Variants in SDK2 observed in about 807,000 individuals in gnomAD.
The protein encoded by SDK2 is protein sidekick-2.
In SDK2, 105 loss-of-function variants were observed where a neutral mutation model predicts 253.9. The observed-to-expected ratio is 0.41, with a 90% CI of 0.35 to 0.49. The LOEUF is 0.49. Ranked by LOEUF, SDK2 falls within the 20% of genes least tolerant of loss-of-function variation. The pLI is 0.06. For synonymous variants in SDK2, 1,249 were observed against 1,234.9 expected, an observed-to-expected ratio of 1.01 and a Z score of -0.24; for missense variants, 2,608 against 3,003.0, an observed-to-expected ratio of 0.87 and a Z score of 3.07.
At chr17:73,446,395 C>T (rs1034243224) in intron 5 of SDK2, among the ~76,000 whole-genome samples, 36 of 152,128 alleles carry the variant, frequency 2.4e-4, no homozygotes, top group African/African-American at 8.0e-4. Flanking sequence ...CTTGTGACGC[C>T]GATGGGTCAG....
Position 73,600,191 on chromosome 17 carries a change from G to T in SDK2, c.64+43834C>A, listed in dbSNP as rs114992434. ...CCCTTCCCTGGCCATTGCAGCTCCC[G>T]CCACTTCCTCGGTCCCATCCAGCAG... On this transcript the variant is annotated intron_variant, in intron 1 of 44. Transcript: ENST00000392650. 8.1e-3 allele frequency among the ~76,000 whole-genome samples: 1,231 copies of T among 152,198 alleles called. 20 individuals carry two copies. Among genetic ancestry groups the T allele is most frequent in the African/African-American group, 0.027 (1,142 of 41,534 alleles).
chr17:73,352,984 G>A lies in SDK2; in HGVS notation c.5594-347C>T, dbSNP rs2062552250. Among the ~76,000 whole-genome samples, 2 of 152,108 alleles carry A rather than the reference G, an allele frequency of 1.3e-5. No individual in the cohort carries two copies. Among genetic ancestry groups the A allele is most frequent in the African/African-American group, 4.8e-5 (2 of 41,416 alleles). ...GCACATGCCTGTAATCCCAGCTACT[G>A]GGGAAGCTGAGGCAGGGAATTGCTT... On this transcript the variant is annotated intron_variant, in intron 40 of 44. Transcript: ENST00000392650. The surrounding 1 kb of genome is among the most constrained non-coding windows in gnomAD (Gnocchi z 4.1).
Position 73,395,445 on chromosome 17 carries a change from C to T in SDK2, c.3355-53G>A. On this transcript the variant is annotated intron_variant, in intron 24 of 44. Coordinates refer to ENST00000392650, the MANE Select transcript of SDK2 (RefSeq NM_001144952.2). The surrounding 1 kb of genome is among the most constrained non-coding windows in gnomAD (Gnocchi z 4.3). ...GCTATGAGCCAGGCCCCCCACTGTG[C>T]AGGGAGGAACTGCCCTGCTACCCTC... The T allele has an allele frequency of 6.8e-7, 1 of 1,460,990 alleles. No individual in the cohort carries two copies. The highest frequency in any genetic ancestry group is 9.6e-7 in the Non-Finnish European group (1 of 1,045,260). The allele number at this position is 1,460,990 out of a possible 1,614,324, so 90.5% of individuals were successfully genotyped here.
At chr17:73,381,207 C>T (rs1162234720) in intron 33 of SDK2, among the ~76,000 whole-genome samples, 1 of 152,210 alleles carries the variant, frequency 6.6e-6, no homozygotes, top group Non-Finnish European at 1.5e-5. Flanking sequence ...GATGTGAGCT[C>T]TTTGTAGCCC....
At chr17:73,387,783 G>A (rs2062885231) in intron 30 of SDK2, 53 bp downstream of exon 30, 11 of 1,463,238 alleles carry the variant, frequency 7.5e-6, no homozygotes, top group Admixed American at 4.2e-5. Flanking sequence ...GAGCACCGCT[G>A]GTCCCGGCGG....
Position 73,633,951 on chromosome 17 carries a change from C to T in SDK2, c.64+10074G>A, listed in dbSNP as rs76316630. On this transcript the variant is annotated intron_variant, in intron 1 of 44. Coordinates refer to ENST00000392650, the MANE Select transcript of SDK2 (RefSeq NM_001144952.2). ...CAGTGTGAGCTTGGTGGAAGGCTGG[C>T]GTGGGGACAGGTGGAGGCGAGATTG... 1.3e-3 allele frequency among the ~76,000 whole-genome samples: 197 copies of T among 152,048 alleles called. 1 individual carries two copies. Among genetic ancestry groups the T allele is most frequent in the African/African-American group, 3.7e-3 (155 of 41,476 alleles).
chr17:73,596,920 CT>C (rs145403403), intron 1 of SDK2, among the ~76,000 whole-genome samples: 3,224 of 152,342 alleles, frequency 0.021, 43 homozygotes, highest in Middle Eastern at 0.061. Flanking sequence ...CCCTCCACCC[CT>C]AGTCCAGGAT....
intron 2 of SDK2, among the ~76,000 whole-genome samples, chr17:73,504,720 GAA>G (rs59079070): frequency 0.6 from 90,599 of 150,488 alleles, 27,741 homozygotes; most frequent in Non-Finnish European, 0.66. Context: ...CCCTGCAGGA[GAA>G]AAAAAAGTTT....
rs1444844645 is a variant in SDK2 at position 73,352,858 on chromosome 17, G to A, written c.5594-221C>T. Among the ~76,000 whole-genome samples, 4 of 152,212 alleles carry A rather than the reference G, an allele frequency of 2.6e-5. No individual in the cohort carries two copies. Among genetic ancestry groups the A allele is most frequent in the Non-Finnish European group, 4.4e-5 (3 of 68,046 alleles). ...TGTAATTCCAGCACTTTGAGAGGCC[G>A]AGGTGGGTGGATCACCTGAGGTTAG... On this transcript the variant is annotated intron_variant, in intron 40 of 44. Coordinates refer to ENST00000392650, the MANE Select transcript of SDK2 (RefSeq NM_001144952.2). This position sits in a 1 kb window ranked among gnomAD's most constrained non-coding sequence, Gnocchi z 4.1.
intron 36 of SDK2, among the ~76,000 whole-genome samples, chr17:73,371,062 T>G (rs1459618319): frequency 6.6e-6 from 1 of 152,018 alleles, no homozygotes; most frequent in Non-Finnish European, 1.5e-5. Context: ...AGACTCCATC[T>G]CTAAAATAAC....
chr17:73,532,895 G>A (rs1435158270), intron 1 of SDK2, among the ~76,000 whole-genome samples: 9 of 152,200 alleles, frequency 5.9e-5, no homozygotes, highest in African/African-American at 1.9e-4. Flanking sequence ...AGGGCACAGC[G>A]CAGTTAACTC....
At chr17:73,396,967 G>A (rs188177559) in intron 24 of SDK2, among the ~76,000 whole-genome samples, 11 of 152,322 alleles carry the variant, frequency 7.2e-5, no homozygotes, top group Admixed American at 5.9e-4. Flanking sequence ...GAGGACTGAC[G>A]GCGCCAAGCG....
At chr17:73,425,135 A>C (rs1347410676) in intron 12 of SDK2, among the ~76,000 whole-genome samples, 1 of 152,090 alleles carries the variant, frequency 6.6e-6, no homozygotes, top group Admixed American at 6.6e-5. Context: ...CAGGAGAATC[A>C]CTTGAACCCG....
chr17:73,630,575 G>A (rs1178894474), intron 1 of SDK2, among the ~76,000 whole-genome samples: 3 of 151,624 alleles, frequency 2.0e-5, no homozygotes, highest in Non-Finnish European at 2.9e-5. Flanking sequence ...GCCTCAGCTT[G>A]GACTCAGCCT....
At chr17:73,433,667 C>T in intron 10 of SDK2, 65 bp downstream of exon 10, 3 of 1,254,966 alleles carry the variant, frequency 2.4e-6, no homozygotes, top group Non-Finnish European at 3.4e-6. Flanking sequence ...GGCTCCAGAG[C>T]CTAGTTCTGA....
chr17:73,641,948 C>A (rs905891062), intron 1 of SDK2, among the ~76,000 whole-genome samples: 1 of 152,140 alleles, frequency 6.6e-6, no homozygotes, highest in Non-Finnish European at 1.5e-5. Flanking sequence ...CAGGAGAGGG[C>A]TCGATGCTGG....
Position 73,455,748 on chromosome 17 carries a change from G to T in SDK2, c.479+158C>A, listed in dbSNP as rs1033815586. 3.9e-5 allele frequency among the ~76,000 whole-genome samples: 6 copies of T among 152,184 alleles called. No individual in the cohort carries two copies. Among genetic ancestry groups the T allele is most frequent in the African/African-American group, 1.4e-4 (6 of 41,448 alleles). Reference sequence around the variant, plus strand: ...GTCCTTGCCTGTGCATCCTAAGAAAGCCCCTGGGAGGTCCCCTACCTGGCT... The same window carrying T: ...GTCCTTGCCTGTGCATCCTAAGAAATCCCCTGGGAGGTCCCCTACCTGGCT... On this transcript the variant is annotated intron_variant, in intron 4 of 44. Coordinates refer to ENST00000392650, the MANE Select transcript of SDK2 (RefSeq NM_001144952.2). This position sits in a 1 kb window ranked among gnomAD's most constrained non-coding sequence, Gnocchi z 5.0.
intron 1 of SDK2, among the ~76,000 whole-genome samples, chr17:73,516,282 G>C (rs560329386): frequency 5.9e-5 from 9 of 152,372 alleles, no homozygotes; most frequent in Non-Finnish European, 1.0e-4. Context: ...ACCCAGGTGG[G>C]AGATGGTACT....
chr17:73,640,529 C>A (rs936874131), intron 1 of SDK2, among the ~76,000 whole-genome samples: 5 of 152,192 alleles, frequency 3.3e-5, no homozygotes, highest in African/African-American at 1.2e-4. Flanking sequence ...GGGCTTTTGA[C>A]AGCTGAGCCC....
Sources: gnomAD v4.1 joint callset for allele counts (sites outside exome capture counted in the v4.1 genomes callset) on GRCh38, gnomAD v4.1.1 for gene constraint, Gnocchi (gnomAD v3.1) non-coding constraint, MANE v1.5 for transcripts, NCBI Gene and HGNC (gene_info 2026-07-23, HGNC 2026-07-21) for gene names.